The following MAP4K5 variants were observed in gnomAD, a reference collection of about 807,000 sequenced individuals.
MAP4K5 encodes mitogen-activated protein kinase kinase kinase kinase 5, also known as MAPK/ERK kinase kinase kinase 5.
In MAP4K5, 82 loss-of-function variants were observed where a neutral mutation model predicts 135.6. The ratio of observed to expected loss-of-function variants is 0.60; its 90% CI spans 0.51 to 0.73. MAP4K5 has a LOEUF of 0.73. Among genes scored for constraint, MAP4K5 ranks in the 30% least tolerant of loss-of-function variants. MAP4K5 has a pLI of 0.00. For missense variants in MAP4K5, 907 were observed against 1,010.9 expected (o/e 0.90, Z 1.39); for synonymous variants, 347 against 335.0 (o/e 1.04, Z -0.39).
At chr14:50,559,416 G>C (rs1239816213) in intron 1 of MAP4K5, 5 of 152,188 alleles carry the variant, frequency 3.3e-5, no homozygotes, top group Non-Finnish European at 7.4e-5. Context: ...GGGAAAGATT[G>C]AAAGTATTTT....
chr14:50,456,300 C>A, intron 14 of MAP4K5: 1 of 510,732 alleles, frequency 2.0e-6, no homozygotes, highest in Non-Finnish European at 3.4e-6. Context: ...CAGCAATGGG[C>A]ATGATTTTGT....
chr14:50,446,102 T>C lies in MAP4K5; in HGVS notation c.1162A>G (p.Ile388Val), dbSNP rs374538267. 33 of 1,574,106 alleles carry C rather than the reference T, an allele frequency of 2.1e-5. No individual in the cohort carries two copies. Among genetic ancestry groups the C allele is most frequent in the East Asian group, 7.2e-5 (3 of 41,910 alleles). ...ACCTTAGGAGGTAGGGGAGGTGGTA[T>C]TGCACGTTTTGAGGTTGATCTAATA... ...NTGKSTSKRAIPPPLPPKPRI... is the reference protein window; with the variant it reads ...NTGKSTSKRAVPPPLPPKPRI... Residue 388 changes from isoleucine to valine, a missense_variant, in exon 17 of 33, where the codon ATA becomes GTA. Physicochemically the swap from Ile to Val is conservative, Grantham distance 29. Transcript: ENST00000682126.
chr14:50,480,439 C>T (rs2037213001), intron 6 of MAP4K5, among the ~76,000 whole-genome samples: 1 of 150,004 alleles, frequency 6.7e-6, no homozygotes, highest in Admixed American at 6.6e-5. Context: ...ACCATCCCCA[C>T]TCCCCTCCGA....
At chr14:50,428,197 G>A (rs1470083059) in intron 30 of MAP4K5, among the ~76,000 whole-genome samples, 2 of 151,942 alleles carry the variant, frequency 1.3e-5, no homozygotes, top group Admixed American at 1.3e-4. Context: ...CACTAATCAT[G>A]TTTCAGGTGC....
In MAP4K5 at chr14:50,482,379, T is replaced by A; in HGVS notation, c.360A>T (p.Val120=). 1 of 1,529,180 alleles carries A rather than the reference T, an allele frequency of 6.5e-7. No homozygotes were observed. 94.7% of individuals were successfully genotyped at this position (1,529,180 alleles called of 1,614,324 possible). A position where few individuals can be genotyped will look rare whatever the true frequency, so the allele number is the denominator to read the frequency against. Residue 120 remains valine (V), a synonymous_variant, in exon 6 of 33, where the codon GTA becomes GTT. Transcript: ENST00000682126. The stretch of plus-strand genomic sequence containing the variant: ...ATAGTACCTGTAAGGTTTCTCTGCA[T>A]ACATAGGCTATTTGCAATTCTGATA... The part of the protein sequence containing the change: ...GPLSELQIAY[V]CRETLQGLAY...
chr14:50,485,294 G>A (rs187393698), intron 5 of MAP4K5, among the ~76,000 whole-genome samples: 22 of 152,022 alleles, frequency 1.4e-4, no homozygotes, highest in Admixed American at 1.4e-3. Context: ...TTTTTACAAG[G>A]AAATTTAGGA....
chr14:50,545,498 C>T (rs1040474988), intron 1 of MAP4K5, among the ~76,000 whole-genome samples: 26 of 152,270 alleles, frequency 1.7e-4, no homozygotes, highest in African/African-American at 6.0e-4. Context: ...CCTTTGTGGG[C>T]TGCTGCTTGA....
At position 50,510,141 on chromosome 14, in the gene MAP4K5, T is replaced by C. The variant is rs375543829; in HGVS notation, c.109-5284A>G. 1.6e-4 allele frequency among the ~76,000 whole-genome samples: 24 copies of C among 152,260 alleles called. 1 individual carries two copies. The South Asian group carries it at 4.8e-3, about 30-fold the overall frequency. ...TTCTGCCATTCACTGCCACTTACTT[T>C]GAGGAACCAAAAGAAAATGACTCCA... is the stretch of plus-strand genomic sequence containing the variant. On this transcript the variant is annotated intron_variant, in intron 2 of 32. Coordinates refer to ENST00000682126, the MANE Select transcript of MAP4K5 (RefSeq NM_006575.6).
At chr14:50,498,317 T>C (rs1377768514) in intron 3 of MAP4K5, among the ~76,000 whole-genome samples, 1 of 152,238 alleles carries the variant, frequency 6.6e-6, no homozygotes, top group Non-Finnish European at 1.5e-5. Flanking sequence ...CTCTATTTAA[T>C]GTTACCATTT....
chr14:50,560,169 C>A, intron 1 of MAP4K5: 1 of 1,451,798 alleles, frequency 6.9e-7, no homozygotes, highest in Non-Finnish European at 9.6e-7. Context: ...CTGCGCCCAG[C>A]GCGGGCACGG....
At chr14:50,535,362 G>A (rs956709036), upstream of MAP4K5, among the ~76,000 whole-genome samples, 3 of 152,216 alleles carry the variant, frequency 2.0e-5, no homozygotes, top group Non-Finnish European at 2.9e-5. Flanking sequence ...ACCTTCAAGT[G>A]TGAAAGGACA....
chr14:50,487,728 GA>G (rs1256264432), intron 3 of MAP4K5, among the ~76,000 whole-genome samples: 1 of 152,154 alleles, frequency 6.6e-6, no homozygotes, highest in Non-Finnish European at 1.5e-5. Context: ...AGCCAGCTGT[GA>G]GTAAGCCCTG....
chr14:50,477,701 T>C (rs1430103526), intron 6 of MAP4K5, among the ~76,000 whole-genome samples: 1 of 152,218 alleles, frequency 6.6e-6, no homozygotes, highest in African/African-American at 2.4e-5. Flanking sequence ...TGTTGGATTT[T>C]GCTAAATGCC....
chr14:50,419,983 T>A lies in MAP4K5; in HGVS notation c.*36A>T. The A allele has an allele frequency of 7.1e-7, 1 of 1,415,216 alleles. No individual in the cohort carries two copies. The highest frequency in any genetic ancestry group is 1.2e-5 in the South Asian group (1 of 82,778). The allele number at this position is 1,415,216 out of a possible 1,614,324, so 87.7% of individuals were successfully genotyped here. On this transcript the variant is annotated 3_prime_UTR_variant, in exon 33 of 33. Coordinates refer to ENST00000682126, the MANE Select transcript of MAP4K5 (RefSeq NM_006575.6). ...TTATTTTTCCTTTCAATGGAGTATA[T>A]TCATTTTCCTGTCATTTGAGATCAG...
chr14:50,420,968 T>G (rs773610822), intron 32 of MAP4K5, among the ~76,000 whole-genome samples: 1 of 151,484 alleles, frequency 6.6e-6, no homozygotes, highest in Non-Finnish European at 1.5e-5. Flanking sequence ...AATATACCCA[T>G]GCAGAGAAAA....
intron 6 of MAP4K5, among the ~76,000 whole-genome samples, chr14:50,478,292 CTTT>C (rs1202372055): frequency 6.6e-6 from 1 of 151,710 alleles, no homozygotes; most frequent in African/African-American, 2.4e-5. Context: ...TCTCTTTTTA[CTTT>C]TTTTCCTGAT....
chr14:50,507,417 TTC>T (rs1166989143), intron 2 of MAP4K5, among the ~76,000 whole-genome samples: 1 of 152,216 alleles, frequency 6.6e-6, no homozygotes, highest in African/African-American at 2.4e-5. Context: ...TTGCTCTTGC[TTC>T]TCTAGCTCTT....
chr14:50,556,223 G>GT lies in MAP4K5; in HGVS notation c.-180+4816dup, dbSNP rs550195073. On this transcript the variant is annotated intron_variant, in intron 1 of 8. Transcript: ENST00000555216. ...AACTTAGATTGTACAATTCAGTGGA[G>GT]TTTTTTTGTTTTGTTTCATTTTTTG... is the stretch of plus-strand genomic sequence containing the variant. 7.5e-3 allele frequency among the ~76,000 whole-genome samples: 1,143 copies of GT among 152,116 alleles called. 8 individuals are homozygous for GT. The highest frequency in any genetic ancestry group is 0.012 in the Non-Finnish European group (827 of 67,968).
At chr14:50,506,861 C>G (rs1302998368) in intron 2 of MAP4K5, among the ~76,000 whole-genome samples, 1 of 152,188 alleles carries the variant, frequency 6.6e-6, no homozygotes, top group Non-Finnish European at 1.5e-5. Context: ...ATGCCTCACA[C>G]CATTCCTACC....
Sources: allele counts gnomAD v4.1 joint callset (sites outside exome capture counted in the v4.1 genomes callset), GRCh38; gene constraint gnomAD v4.1.1; transcripts MANE v1.5; gene names NCBI Gene and HGNC (gene_info 2026-07-23, HGNC 2026-07-21).